The following AFF3 variants were observed in gnomAD, a reference collection of about 807,000 sequenced individuals.
The protein encoded by AFF3 is AF4/FMR2 family member 3.
AFF3 carries 32 observed loss-of-function variants against 129.7 expected under a neutral mutation model. That is an observed-to-expected ratio of 0.25 (90% CI 0.19 to 0.33). AFF3 has a LOEUF of 0.33. Among genes scored for constraint, AFF3 ranks in the 10% least tolerant of loss-of-function variants. The pLI is 1.00. For synonymous variants in AFF3, 644 were observed against 635.4 expected, an observed-to-expected ratio of 1.01 and a Z score of -0.20; for missense variants, 1,373 against 1,592.0, an observed-to-expected ratio of 0.86 and a Z score of 2.34.
chr2:100,136,019 A>T (rs1692627577), intron 1 of AFF3, among the ~76,000 whole-genome samples: 1 of 152,226 alleles, frequency 6.6e-6, no homozygotes, highest in South Asian at 2.1e-4. Context: ...CTGACACTGG[A>T]AGAATGAAGG....
chr2:99,786,806 A>C (rs149417720), intron 8 of AFF3, among the ~76,000 whole-genome samples: 1 of 152,096 alleles, frequency 6.6e-6, no homozygotes, highest in African/African-American at 2.4e-5. Context: ...TCCTTTCCCA[A>C]ACTTTAGCTG....
intron 18 of AFF3, among the ~76,000 whole-genome samples, chr2:99,575,453 G>A (rs983798718): frequency 6.8e-6 from 1 of 147,604 alleles, no homozygotes; most frequent in Admixed American, 6.7e-5. Context: ...TAGAGATGGG[G>A]TTTCACTGTG....
At chr2:99,697,150 A>C (rs1676367371) in intron 11 of AFF3, among the ~76,000 whole-genome samples, 1 of 152,230 alleles carries the variant, frequency 6.6e-6, no homozygotes, top group East Asian at 1.9e-4. Context: ...GCTCTTGATA[A>C]GCAGAGACTA....
chr2:99,961,921 G>A (rs185508404), intron 7 of AFF3, among the ~76,000 whole-genome samples: 1 of 152,210 alleles, frequency 6.6e-6, no homozygotes, highest in East Asian at 1.9e-4. Flanking sequence ...AAAAAACTTG[G>A]CCAGATGAAG....
rs773104752 is a variant in AFF3, at chr2:99,554,771, G to A, written c.3286-39C>T. On this transcript the variant is annotated intron_variant, in intron 22 of 24. Coordinates refer to ENST00000672756, the MANE Select transcript of AFF3 (RefSeq NM_001386135.1). The stretch of plus-strand genomic sequence containing the variant: ...AAAACACTGACAGTGAGTGCCATCT[G>A]CGTGAGGTGAAACAGGTGACATGAA... 1.4e-5 allele frequency: 23 copies of A among 1,611,778 alleles called. No homozygotes were observed. In the South Asian group the frequency reaches 2.3e-4, roughly 16 times the overall value.
chr2:99,575,414 A>ATTTTTC (rs1676889642), intron 18 of AFF3, among the ~76,000 whole-genome samples: 1 of 127,472 alleles, frequency 7.8e-6, no homozygotes, highest in Non-Finnish European at 1.6e-5. Context: ...TGCCTGGCTA[A>ATTTTTC]TTTTTTTTTT....
intron 7 of AFF3, among the ~76,000 whole-genome samples, chr2:99,948,345 C>G (rs1056772341): frequency 3.9e-5 from 6 of 152,164 alleles, no homozygotes; most frequent in African/African-American, 1.2e-4. Context: ...AAGACTCCTA[C>G]CCTTAACACA....
At chr2:100,066,749 A>G (rs1687752290) in intron 4 of AFF3, among the ~76,000 whole-genome samples, 1 of 152,220 alleles carries the variant, frequency 6.6e-6, no homozygotes, top group Non-Finnish European at 1.5e-5. Flanking sequence ...CATCTTAGTT[A>G]TATTGCTTTG....
chr2:99,693,118 A>T (rs1451150095), intron 11 of AFF3, among the ~76,000 whole-genome samples: 1 of 152,242 alleles, frequency 6.6e-6, no homozygotes, highest in African/African-American at 2.4e-5. Flanking sequence ...CCAACAAACC[A>T]AATGGAAATT....
At chr2:100,024,611 AAAT>A (rs1272151285) in intron 4 of AFF3, among the ~76,000 whole-genome samples, 1 of 151,746 alleles carries the variant, frequency 6.6e-6, no homozygotes, top group Admixed American at 6.6e-5. Context: ...TCCGTCTCAA[AAAT>A]AATAATAATT....
At chr2:99,739,348 C>T (rs1680524824) in intron 10 of AFF3, among the ~76,000 whole-genome samples, 1 of 152,132 alleles carries the variant, frequency 6.6e-6, no homozygotes, top group Admixed American at 6.5e-5. Context: ...CAGAACACAA[C>T]TAAATTTCTG....
intron 7 of AFF3, among the ~76,000 whole-genome samples, chr2:99,913,897 T>C (rs1226642329): frequency 2.0e-5 from 3 of 152,138 alleles, no homozygotes; most frequent in Non-Finnish European, 4.4e-5. Flanking sequence ...TGATTAAATA[T>C]AAATAAGGTA....
intron 7 of AFF3, among the ~76,000 whole-genome samples, chr2:99,988,669 T>C (rs1337563132): frequency 1.3e-5 from 2 of 152,202 alleles, no homozygotes; most frequent in African/African-American, 4.8e-5. Flanking sequence ...TCGAGGGGGC[T>C]GATAAGCGTG....
At chr2:100,071,768 C>T (rs1429428959) in intron 4 of AFF3, among the ~76,000 whole-genome samples, 1 of 152,128 alleles carries the variant, frequency 6.6e-6, no homozygotes, top group African/African-American at 2.4e-5. Flanking sequence ...ACTTTCTTTA[C>T]AAAACCTCGG....
intron 11 of AFF3, among the ~76,000 whole-genome samples, chr2:99,689,163 T>G (rs1444990799): frequency 1.3e-5 from 2 of 152,226 alleles, no homozygotes; most frequent in Admixed American, 6.5e-5. Flanking sequence ...CATAACTAAC[T>G]CCTCTCTTCA....
intron 10 of AFF3, among the ~76,000 whole-genome samples, chr2:99,731,534 C>T (rs1679832732): frequency 6.6e-6 from 1 of 152,158 alleles, no homozygotes; most frequent in Admixed American, 6.5e-5. Context: ...CCGCTCACAG[C>T]TATGTCTTTC....
At chr2:99,837,950 A>G (rs1207418189) in intron 7 of AFF3, among the ~76,000 whole-genome samples, 1 of 152,182 alleles carries the variant, frequency 6.6e-6, no homozygotes, top group Non-Finnish European at 1.5e-5. Context: ...AATGGTTGCT[A>G]CGGCTTAAGT....
chr2:100,120,112 T>C (rs1691895098), intron 2 of AFF3, among the ~76,000 whole-genome samples: 1 of 152,172 alleles, frequency 6.6e-6, no homozygotes, highest in African/African-American at 2.4e-5. Context: ...ATACGAGAAG[T>C]ATTATCAGGT....
intron 11 of AFF3, among the ~76,000 whole-genome samples, chr2:99,716,774 TG>T (rs924607193): frequency 2.6e-5 from 4 of 151,532 alleles, no homozygotes; most frequent in Admixed American, 2.6e-4. Context: ...GCAGCTACTT[TG>T]GGGGGGCTGA....
Sources: allele counts gnomAD v4.1 joint callset (sites outside exome capture counted in the v4.1 genomes callset), GRCh38; gene constraint gnomAD v4.1.1; transcripts MANE v1.5; gene names NCBI Gene and HGNC (gene_info 2026-07-23, HGNC 2026-07-21).